The following LASP1 variants were observed in gnomAD, a reference collection of about 807,000 sequenced individuals.
The protein encoded by LASP1 is LIM and SH3 protein 1, also known as LIM and SH3 domain protein 1.
In LASP1, 10 loss-of-function variants were observed where a neutral mutation model predicts 38.6. The ratio of observed to expected loss-of-function variants is 0.26; its 90% CI spans 0.16 to 0.44. The LOEUF (loss-of-function observed/expected upper bound fraction) is 0.44, where lower values mean the gene tolerates loss of function less well. Among genes scored for constraint, LASP1 ranks in the 20% least tolerant of loss-of-function variants. The probability of loss-of-function intolerance (pLI) is 1.00; values close to 1 mark genes in which losing one functional copy is unlikely to be tolerated. For missense variants in LASP1, 243 were observed against 375.7 expected (o/e 0.65, Z 2.92); for synonymous variants, 132 against 140.8 (o/e 0.94, Z 0.44).
intron 4 of LASP1, among the ~76,000 whole-genome samples, chr17:38,908,904 A>C (rs1264757032): frequency 2.6e-5 from 4 of 152,142 alleles, no homozygotes; most frequent in Non-Finnish European, 5.9e-5. Context: ...TGCGGAGGGG[A>C]TGCCCAAAGG....
chr17:38,897,792 C>T (rs1280488206), intron 3 of LASP1, among the ~76,000 whole-genome samples: 1 of 152,192 alleles, frequency 6.6e-6, no homozygotes, highest in Non-Finnish European at 1.5e-5. Flanking sequence ...TGGAGCCTTC[C>T]CTGGGGCTGT....
chr17:38,877,413 CCCT>C (rs1423678775), intron 1 of LASP1, among the ~76,000 whole-genome samples: 1 of 152,158 alleles, frequency 6.6e-6, no homozygotes, highest in Non-Finnish European at 1.5e-5. Flanking sequence ...TGCTCTCCTG[CCCT>C]CCTCCTGGGG....
Position 38,898,433 on chromosome 17 carries a change from G to T in LASP1, c.271G>T (p.Glu91Ter). 1 of 1,550,780 alleles carries T rather than the reference G, an allele frequency of 6.4e-7. No individual in the cohort carries two copies. The highest frequency in any genetic ancestry group is 1.2e-5 in the South Asian group (1 of 84,020). The change falls in exon 4 of 7, where the codon GAG (glutamate) becomes TAG (stop). Residue 91 changes from glutamate to a stop codon, truncating the protein, a stop_gained. Transcript: ENST00000318008. LOFTEE classifies it high-confidence loss of function. ...QSQVRYKEEF[E>*]KNKGKGFSVV... is the part of the protein sequence containing the mutation. The stretch of plus-strand genomic sequence containing the variant: ...GCAGGTGCGCTACAAGGAGGAGTTT[G>T]AGAAGAACAAGGGCAAAGGTTTCAG...
chr17:38,876,130 C>A (rs536242856), intron 1 of LASP1, among the ~76,000 whole-genome samples: 1 of 150,792 alleles, frequency 6.6e-6, no homozygotes, highest in South Asian at 2.1e-4. Context: ...AGGGGTTCCA[C>A]AAAGACCCCT....
chr17:38,880,667 G>A (rs78018667), intron 2 of LASP1, among the ~76,000 whole-genome samples: 3,848 of 152,274 alleles, frequency 0.025, 105 homozygotes, highest in Non-Finnish European at 0.033. Context: ...GCACCTCCTC[G>A]CCCAAGGCAG....
intron 4 of LASP1, among the ~76,000 whole-genome samples, chr17:38,908,663 T>G (rs1914838489): frequency 6.6e-6 from 1 of 152,170 alleles, no homozygotes; most frequent in Admixed American, 6.5e-5. Flanking sequence ...CTAAGTAAAC[T>G]GCCCTCTGCG....
chr17:38,918,741 C>G lies in LASP1; in HGVS notation c.749C>G (p.Thr250Arg). 1 of 1,614,092 alleles carries G rather than the reference C, an allele frequency of 6.2e-7. No homozygotes were observed. Among genetic ancestry groups the G allele is most frequent in the Non-Finnish European group, 8.5e-7 (1 of 1,180,008 alleles). Reference sequence around the variant, plus strand: ...GGGACGGTGGAGCGCACCGGCGACACGGGGATGCTGCCGGCCAACTACGTG... The same window carrying G: ...GGGACGGTGGAGCGCACCGGCGACAGGGGGATGCTGCCGGCCAACTACGTG... ...MYGTVERTGDTGMLPANYVEA... is the reference protein window; with the variant it reads ...MYGTVERTGDRGMLPANYVEA... Residue 250 changes from threonine to arginine, a missense_variant, in exon 7 of 7, where the codon ACG becomes AGG. By Grantham distance (71) the Thr-to-Arg change is moderately conservative. Coordinates refer to ENST00000318008, the MANE Select transcript of LASP1 (RefSeq NM_006148.4). The surrounding 1 kb of genome is among the most constrained non-coding windows in gnomAD (Gnocchi z 4.4).
chr17:38,889,081 A>G (rs1184625509), intron 2 of LASP1, among the ~76,000 whole-genome samples: 1 of 152,214 alleles, frequency 6.6e-6, no homozygotes, highest in East Asian at 1.9e-4. Context: ...ACTAGGGCAC[A>G]TAAGCCCTTA....
intron 5 of LASP1, 107 bp from the exon 6 acceptor site, chr17:38,914,936 C>T (rs2241009): frequency 0.65 from 624,360 of 963,472 alleles, 205,559 homozygotes; most frequent in African/African-American, 0.87. Context: ...GGGCTTGAGC[C>T]AGGTTGGGGG....
At chr17:38,909,032 A>G (rs1202343606) in intron 4 of LASP1, among the ~76,000 whole-genome samples, 1 of 152,146 alleles carries the variant, frequency 6.6e-6, no homozygotes, top group Non-Finnish European at 1.5e-5. Flanking sequence ...GATCAGGAAA[A>G]GGCAGGCCAG....
intron 2 of LASP1, among the ~76,000 whole-genome samples, chr17:38,884,687 CT>C (rs1202417090): frequency 4.9e-3 from 505 of 102,882 alleles, no homozygotes; most frequent in Non-Finnish European, 7.2e-3. Flanking sequence ...CCACGTCCGG[CT>C]TTTTTTTTTT....
rs374165118 is a variant in LASP1 at position 38,919,036 on chromosome 17, C to T, written c.*258C>T. On this transcript the variant is annotated 3_prime_UTR_variant, in exon 7 of 7. Transcript: ENST00000318008. ...CGGGCATGGGCCTCTCTGGGGGAGG[C>T]AGGGCTGGAATGGGAGACCTGTTGG... 4.4e-4 allele frequency: 37 copies of T among 83,902 alleles called. No homozygotes were observed. The highest frequency in any genetic ancestry group is 1.1e-3 in the African/African-American group (6 of 5,480). The allele number at this position is 83,902 out of a possible 1,614,324, so 5.2% of individuals were successfully genotyped here.
chr17:38,911,975 G>C (rs920076916), intron 4 of LASP1, among the ~76,000 whole-genome samples: 1 of 152,136 alleles, frequency 6.6e-6, no homozygotes, highest in African/African-American at 2.4e-5. Context: ...TGTAGTTTTA[G>C]TAGAGACAGG....
intron 4 of LASP1, among the ~76,000 whole-genome samples, chr17:38,913,584 G>C (rs543255692): frequency 3.2e-4 from 48 of 152,324 alleles, no homozygotes; most frequent in African/African-American, 8.4e-4. Context: ...GCTCACATGA[G>C]CCTGTGACAT....
At chr17:38,877,051 A>G (rs1384766295) in intron 1 of LASP1, among the ~76,000 whole-genome samples, 4 of 152,204 alleles carry the variant, frequency 2.6e-5, no homozygotes, top group African/African-American at 9.6e-5. Flanking sequence ...TGGTTGGCAC[A>G]GTGAAGCCCC....
chr17:38,902,861 C>T (rs2143800355), intron 4 of LASP1, among the ~76,000 whole-genome samples: 1 of 152,228 alleles, frequency 6.6e-6, no homozygotes, highest in South Asian at 2.1e-4. Flanking sequence ...TGCCACCACG[C>T]CTGGCTAATT....
chr17:38,892,519 G>C (rs1244029206), intron 3 of LASP1, among the ~76,000 whole-genome samples: 1 of 151,816 alleles, frequency 6.6e-6, no homozygotes, highest in African/African-American at 2.4e-5. Flanking sequence ...CCTCGGAGAA[G>C]AGGTGCTGGG....
At chr17:38,894,114 C>T (rs116190387) in intron 3 of LASP1, among the ~76,000 whole-genome samples, 1 of 129,750 alleles carries the variant, frequency 7.7e-6, no homozygotes, top group African/African-American at 2.9e-5. Context: ...CCTGCCCAGG[C>T]CTGGCTGAGG....
At chr17:38,889,487 A>G (rs1426323639) in intron 2 of LASP1, among the ~76,000 whole-genome samples, 2 of 152,198 alleles carry the variant, frequency 1.3e-5, no homozygotes, top group Non-Finnish European at 2.9e-5. Flanking sequence ...CAGAGTCTGA[A>G]GAGCTCCAAG....
Sources: gnomAD v4.1 joint callset for allele counts (sites outside exome capture counted in the v4.1 genomes callset) on GRCh38, gnomAD v4.1.1 for gene constraint, Gnocchi (gnomAD v3.1) non-coding constraint, MANE v1.5 for transcripts, NCBI Gene and HGNC (gene_info 2026-07-23, HGNC 2026-07-21) for gene names.